The following CDH20 variants were observed in gnomAD, a reference collection of about 807,000 sequenced individuals.
The protein encoded by CDH20 is cadherin 20, also known as cadherin-20.
In CDH20, 29 loss-of-function variants were observed where a neutral mutation model predicts 74.2. The ratio of observed to expected loss-of-function variants is 0.39; its 90% CI spans 0.29 to 0.53. The LOEUF (loss-of-function observed/expected upper bound fraction) is 0.53. Among genes scored for constraint, CDH20 ranks in the 20% least tolerant of loss-of-function variants. The pLI is 0.69. For synonymous variants in CDH20, 469 were observed against 405.4 expected (o/e 1.16, Z -1.88); for missense variants, 988 against 1,048.3 (o/e 0.94, Z 0.79).
intron 1 of CDH20, among the ~76,000 whole-genome samples, chr18:61,407,170 TATG>T (rs1048159055): frequency 2.6e-5 from 4 of 152,200 alleles, no homozygotes; most frequent in Non-Finnish European, 5.9e-5. Context: ...AAGTTCTCTT[TATG>T]ATAAGAGACA....
chr18:61,371,281 C>A (rs1911028814), intron 1 of CDH20, among the ~76,000 whole-genome samples: 1 of 152,000 alleles, frequency 6.6e-6, no homozygotes, highest in African/African-American at 2.4e-5. Context: ...TTCATTAGTG[C>A]TGGTTGACTT....
chr18:61,358,606 C>T (rs938606606), intron 1 of CDH20, among the ~76,000 whole-genome samples: 4 of 152,146 alleles, frequency 2.6e-5, no homozygotes, highest in African/African-American at 9.7e-5. Flanking sequence ...TAGTTTGATT[C>T]TGACTTAATG....
Position 61,555,708 on chromosome 18 carries a change from T to C in CDH20, c.*1013T>C, listed in dbSNP as rs898924972. 8 of 962,848 alleles carry C rather than the reference T, an allele frequency of 8.3e-6. No homozygotes were observed. The East Asian group carries it at 8.0e-4, about 97-fold the overall frequency. The allele number at this position is 962,848 out of a possible 1,614,324, so 59.6% of individuals were successfully genotyped here. ...AGTTTTGTATATTTGTTAATAATTT[T>C]GGTAATAAATATGATGTACTGCATC... is the stretch of plus-strand genomic sequence containing the variant. On this transcript the variant is annotated 3_prime_UTR_variant, in exon 12 of 12. Coordinates refer to ENST00000262717, the MANE Select transcript of CDH20 (RefSeq NM_031891.4).
At chr18:61,481,100 C>T (rs188961170) in intron 1 of CDH20, among the ~76,000 whole-genome samples, 6 of 152,218 alleles carry the variant, frequency 3.9e-5, no homozygotes, top group African/African-American at 1.4e-4. Flanking sequence ...TTACTGAGCA[C>T]CTAGTATGTG....
chr18:61,524,882 C>T (rs1912333197), intron 6 of CDH20, among the ~76,000 whole-genome samples: 1 of 152,020 alleles, frequency 6.6e-6, no homozygotes, highest in South Asian at 2.1e-4. Context: ...GATTATGCCG[C>T]TGCACTCCAG....
At position 61,499,440 on chromosome 18, in the gene CDH20, C is replaced by T. The variant is rs150943040; in HGVS notation, c.501C>T (p.Asp167=). The change falls in exon 3 of 12, where the codon GAC becomes GAT. Residue 167 remains aspartate (D), a synonymous_variant. Coordinates refer to ENST00000262717, the MANE Select transcript of CDH20 (RefSeq NM_031891.4). The part of the protein sequence containing the change: ...DINDNEPKFL[D]GPYVATVPEM... ...ATGACAATGAGCCCAAGTTCCTGGA[C>T]GGACCTTATGTGGCCACTGTGCCAG... is the stretch of plus-strand genomic sequence containing the variant. 115 of 1,613,018 alleles carry T rather than the reference C, an allele frequency of 7.1e-5. No individual in the cohort carries two copies. Among genetic ancestry groups the T allele is most frequent in the Middle Eastern group, 5.2e-4 (3 of 5,752 alleles).
In CDH20 at chr18:61,554,612, G is replaced by C. The variant is rs771062674; in HGVS notation, c.2323G>C (p.Asp775His). 7.5e-6 allele frequency: 12 copies of C among 1,607,352 alleles called. No individual in the cohort carries two copies. Among genetic ancestry groups the C allele is most frequent in the Non-Finnish European group, 1.0e-5 (12 of 1,177,674 alleles). The change falls in exon 12 of 12, where the codon GAC (aspartate) becomes CAC (histidine). Residue 775 changes from aspartate (D) to histidine (H), a missense_variant. Asp to His is a moderately conservative substitution (Grantham distance 81). Around this residue, in one of 2 missense-constraint regions of CDH20, gnomAD observed 375 missense variants for 293.1 expected, o/e 1.28. Transcript: ENST00000262717. Reference protein sequence around the residue: ...SATSDSEQSFDFLTDWGPRFR... With the variant: ...SATSDSEQSFHFLTDWGPRFR... ...CACGTCGGACTCGGAACAGAGCTTCGACTTCCTGACGGACTGGGGGCCCCG... is the reference window on the plus strand; with the variant it reads ...CACGTCGGACTCGGAACAGAGCTTCCACTTCCTGACGGACTGGGGGCCCCG...
chr18:61,396,221 G>A (rs1306127990), intron 1 of CDH20, among the ~76,000 whole-genome samples: 1 of 152,114 alleles, frequency 6.6e-6, no homozygotes, highest in Non-Finnish European at 1.5e-5. Context: ...GCTATTAATA[G>A]TATTGCCCTT....
intron 1 of CDH20, among the ~76,000 whole-genome samples, chr18:61,367,914 CT>C (rs1910911829): frequency 6.6e-6 from 1 of 152,058 alleles, no homozygotes; most frequent in African/African-American, 2.4e-5. Context: ...CATTTCCCCT[CT>C]TGTCTTGTAC....
chr18:61,470,390 C>T (rs75919112), intron 1 of CDH20, among the ~76,000 whole-genome samples: 6 of 152,114 alleles, frequency 3.9e-5, no homozygotes, highest in Non-Finnish European at 5.9e-5. Context: ...GGAAAGGAAC[C>T]GATAAGCCTG....
At chr18:61,338,048 G>T (rs1387469433) in intron 1 of CDH20, among the ~76,000 whole-genome samples, 1 of 152,086 alleles carries the variant, frequency 6.6e-6, no homozygotes, top group African/African-American at 2.4e-5. Flanking sequence ...CCAAAATATT[G>T]TCTGTTTGCT....
chr18:61,433,865 GTATAGAAAATGTCAC>G (rs1350321412), intron 1 of CDH20, among the ~76,000 whole-genome samples: 1 of 152,100 alleles, frequency 6.6e-6, no homozygotes, highest in Admixed American at 6.6e-5. Context: ...CCAAGAAACA[GTATAGAAAATGTCAC>G]TTCTGTTTAC....
At chr18:61,360,073 A>G (rs530747669) in intron 1 of CDH20, among the ~76,000 whole-genome samples, 1 of 152,302 alleles carries the variant, frequency 6.6e-6, no homozygotes, top group Non-Finnish European at 1.5e-5. Context: ...CTTTAATTTC[A>G]GTGAATAAGA....
At chr18:61,530,459 A>G (rs487823) in intron 7 of CDH20, among the ~76,000 whole-genome samples, 152,331 of 152,352 alleles carry the variant, frequency 1, 76,155 homozygotes, top group Middle Eastern at 1. Context: ...TTTTTGTTAC[A>G]AAGAACAAAT....
At chr18:61,527,889 G>C in intron 6 of CDH20, 78 bp from the exon 7 acceptor site, 1 of 1,370,288 alleles carries the variant, frequency 7.3e-7, no homozygotes, top group Non-Finnish European at 1.0e-6. Context: ...CATCAATATT[G>C]GGCATCCTTT....
At chr18:61,420,481 T>A (rs753398578) in intron 1 of CDH20, among the ~76,000 whole-genome samples, 6 of 152,120 alleles carry the variant, frequency 3.9e-5, no homozygotes, top group Non-Finnish European at 7.4e-5. Context: ...TTGCTGAAAT[T>A]CAGCTCTACT....
intron 1 of CDH20, among the ~76,000 whole-genome samples, chr18:61,442,525 C>T (rs1909068332): frequency 6.6e-6 from 1 of 152,092 alleles, no homozygotes; most frequent in African/African-American, 2.4e-5. Flanking sequence ...CAAGTACTCA[C>T]TTATAATTTT....
intron 1 of CDH20, among the ~76,000 whole-genome samples, chr18:61,443,852 T>G (rs186940569): frequency 2.0e-5 from 3 of 152,124 alleles, no homozygotes; most frequent in Admixed American, 2.0e-4. Flanking sequence ...ACAGACCATG[T>G]TGGGGACAGA....
chr18:61,389,785 C>A (rs1262324913), intron 1 of CDH20, among the ~76,000 whole-genome samples: 2 of 152,194 alleles, frequency 1.3e-5, no homozygotes, highest in East Asian at 1.9e-4. Context: ...TCTAAAATTT[C>A]TATTATTAAT....
Sources: allele counts gnomAD v4.1 joint callset (sites outside exome capture counted in the v4.1 genomes callset), GRCh38; gene constraint gnomAD v4.1.1; regional missense constraint gnomAD v4.1.1; transcripts MANE v1.5; gene names NCBI Gene and HGNC (gene_info 2026-07-23, HGNC 2026-07-21).